Variants in ABLIM1 observed in about 807,000 individuals in gnomAD.
ABLIM1 encodes actin binding LIM protein 1, also known as actin-binding LIM protein 1.
In ABLIM1, 40 loss-of-function variants were observed where a neutral mutation model predicts 107.0. The ratio of observed to expected loss-of-function variants is 0.37; its 90% CI spans 0.29 to 0.49. The LOEUF is 0.49. Ranked by LOEUF, ABLIM1 falls within the 20% of genes least tolerant of loss-of-function variation. The pLI, the probability that ABLIM1 is intolerant of heterozygous loss-of-function variation, is 0.97. For synonymous variants in ABLIM1, 357 were observed against 357.3 expected (o/e 1.00, Z 0.01); for missense variants, 857 against 1,008.5 (o/e 0.85, Z 2.04).
intron 2 of ABLIM1, among the ~76,000 whole-genome samples, chr10:114,583,139 C>T (rs1272390997): frequency 6.6e-6 from 1 of 151,388 alleles, no homozygotes; most frequent in Non-Finnish European, 1.5e-5. Flanking sequence ...TATACAGAAT[C>T]TATAAGGAAT....
chr10:114,464,163 A>G (rs959658173), intron 12 of ABLIM1, among the ~76,000 whole-genome samples: 5 of 150,406 alleles, frequency 3.3e-5, no homozygotes, highest in Non-Finnish European at 5.9e-5. Context: ...TATGTACATG[A>G]GCAGGGTGGC....
intron 4 of ABLIM1, among the ~76,000 whole-genome samples, chr10:114,553,318 G>T (rs1432535241): frequency 1.3e-5 from 2 of 152,192 alleles, no homozygotes; most frequent in Non-Finnish European, 2.9e-5. Context: ...ACCTAGCCAG[G>T]ATCAAAACTT....
At chr10:114,474,025 T>C (rs1321598388) in intron 8 of ABLIM1, 69 bp from the exon 9 acceptor site, 2 of 1,185,258 alleles carry the variant, frequency 1.7e-6, no homozygotes, top group Non-Finnish European at 2.4e-6. Context: ...CCTGGGCCCT[T>C]AAGCTTTACT....
intron 1 of ABLIM1, chr10:114,690,681 A>G: frequency 1.9e-6 from 1 of 525,588 alleles, no homozygotes; most frequent in Non-Finnish European, 3.4e-6. Flanking sequence ...AGCGTCTGCA[A>G]AAGCCTATTT....
At chr10:114,481,290 C>G (rs1223159987) in intron 8 of ABLIM1, among the ~76,000 whole-genome samples, 4 of 151,902 alleles carry the variant, frequency 2.6e-5, no homozygotes, top group African/African-American at 7.3e-5. Context: ...TGCCCTCCCC[C>G]CATTCAGCAG....
upstream of ABLIM1, among the ~76,000 whole-genome samples, chr10:114,772,679 C>T (rs1315959157): frequency 1.3e-5 from 2 of 152,014 alleles, no homozygotes; most frequent in Non-Finnish European, 2.9e-5. Context: ...AACATGAGGT[C>T]ATAATAAAAG....
intron 4 of ABLIM1, among the ~76,000 whole-genome samples, chr10:114,563,434 T>C (rs2070101510): frequency 1.3e-5 from 2 of 152,160 alleles, no homozygotes; most frequent in Admixed American, 6.5e-5. Flanking sequence ...TTCTTGGTAG[T>C]GGACGTGGGC....
At chr10:114,758,371 G>GA (rs945696988) in intron 1 of ABLIM1, among the ~76,000 whole-genome samples, 1 of 152,066 alleles carries the variant, frequency 6.6e-6, no homozygotes, top group Non-Finnish European at 1.5e-5. Context: ...AGGAACTGGT[G>GA]AAAAAAACTC....
chr10:114,676,823 C>T (rs936952174), intron 1 of ABLIM1, among the ~76,000 whole-genome samples: 2 of 152,122 alleles, frequency 1.3e-5, no homozygotes, highest in Non-Finnish European at 2.9e-5. Flanking sequence ...GCAACGTCTA[C>T]CTCCTGGGTT....
intron 4 of ABLIM1, among the ~76,000 whole-genome samples, chr10:114,565,881 G>A (rs915526985): frequency 2.2e-5 from 3 of 136,754 alleles, no homozygotes; most frequent in African/African-American, 5.4e-5. Flanking sequence ...TGCAAGCTCC[G>A]CCTCCTGGGT....
chr10:114,698,237 C>T (rs752247663), intron 1 of ABLIM1, among the ~76,000 whole-genome samples: 4 of 151,418 alleles, frequency 2.6e-5, no homozygotes, highest in Admixed American at 1.3e-4. Flanking sequence ...AAACTGTATC[C>T]ATGAAGCTAA....
intron 9 of ABLIM1, 114 bp from the exon 10 acceptor site, chr10:114,473,246 C>A: frequency 3.0e-6 from 3 of 1,013,434 alleles, no homozygotes; most frequent in Non-Finnish European, 4.3e-6. Flanking sequence ...AAACAAAAAC[C>A]AAAACATCTT....
intron 1 of ABLIM1, among the ~76,000 whole-genome samples, chr10:114,674,396 A>G (rs996959909): frequency 2.0e-5 from 3 of 152,142 alleles, no homozygotes; most frequent in East Asian, 1.9e-4. Context: ...TTTTAAATGT[A>G]CATCGTAACT....
At chr10:114,798,435 C>A in the ABLIM1 span, among the ~76,000 whole-genome samples, 6 of 147,452 alleles carry the variant, frequency 4.1e-5, no homozygotes, top group Admixed American at 6.8e-5. Flanking sequence ...AAAAAAAAAA[C>A]AACATGGTAG....
chr10:114,516,210 G>C (rs1278118774), intron 6 of ABLIM1, among the ~76,000 whole-genome samples: 1 of 152,020 alleles, frequency 6.6e-6, no homozygotes, highest in African/African-American at 2.4e-5. Context: ...GAGGTGAGCA[G>C]GTATCAATTT....
At chr10:114,500,505 C>A (rs2060244563) in intron 6 of ABLIM1, among the ~76,000 whole-genome samples, 1 of 151,834 alleles carries the variant, frequency 6.6e-6, no homozygotes, top group Admixed American at 6.6e-5. Flanking sequence ...CATGGAGAAA[C>A]CCCATCTCTA....
chr10:114,469,788 C>A (rs1448496380), intron 10 of ABLIM1, among the ~76,000 whole-genome samples: 1 of 152,170 alleles, frequency 6.6e-6, no homozygotes, highest in Non-Finnish European at 1.5e-5. Context: ...CAAGTATTTT[C>A]CAGATGAATA....
At chr10:114,461,111 T>A (rs2063799698) in intron 12 of ABLIM1, among the ~76,000 whole-genome samples, 1 of 152,024 alleles carries the variant, frequency 6.6e-6, no homozygotes, top group Non-Finnish European at 1.5e-5. Context: ...TCACCTAGGC[T>A]GGAGTGCAGT....
At chr10:114,649,455 A>T (rs1168223590) in intron 1 of ABLIM1, among the ~76,000 whole-genome samples, 1 of 150,388 alleles carries the variant, frequency 6.6e-6, no homozygotes, top group South Asian at 2.1e-4. Flanking sequence ...AAATAAATAA[A>T]GGTGTTGATA....
Sources: gnomAD v4.1 joint callset for allele counts (sites outside exome capture counted in the v4.1 genomes callset) on GRCh38, gnomAD v4.1.1 for gene constraint, MANE v1.5 for transcripts, NCBI Gene and HGNC (gene_info 2026-07-23, HGNC 2026-07-21) for gene names.